Variants in RNLS observed in about 807,000 individuals in gnomAD.
RNLS encodes renalase.
In RNLS, 39 loss-of-function variants were observed where a neutral mutation model predicts 39.8. That is an observed-to-expected ratio of 0.98 (90% CI 0.76 to 1.28). RNLS has a LOEUF of 1.28. Among genes scored for constraint, RNLS ranks in the 50% most tolerant of loss-of-function variants. The pLI is 0.00. For synonymous variants in RNLS, 147 were observed against 150.7 expected (o/e 0.98, Z 0.18); for missense variants, 410 against 413.3 (o/e 0.99, Z 0.07).
the RNLS span, among the ~76,000 whole-genome samples, chr10:88,265,925 T>C: frequency 3.9e-5 from 6 of 152,200 alleles, no homozygotes; most frequent in Non-Finnish European, 7.3e-5. Flanking sequence ...TAGGAATAGT[T>C]CCATGCTTTA....
rs562312079 is a variant in RNLS at position 88,582,751 on chromosome 10, T to C, written c.118+322A>G. On this transcript the variant is annotated intron_variant, in intron 1 of 6. Coordinates refer to ENST00000331772, the MANE Select transcript of RNLS (RefSeq NM_001031709.3). ...AAAATCTATTTATTAGGGACAGCAGTAGGCCCAAGCTTTGCAAACTCGGGT... is the reference window on the plus strand; with the variant it reads ...AAAATCTATTTATTAGGGACAGCAGCAGGCCCAAGCTTTGCAAACTCGGGT... Among the ~76,000 whole-genome samples, 24 of 152,334 alleles carry C rather than the reference T, an allele frequency of 1.6e-4. No homozygotes were observed. The South Asian group carries it at 1.7e-3, about 11-fold the overall frequency.
chr10:88,178,657 T>G, the RNLS span, among the ~76,000 whole-genome samples: 1 of 152,208 alleles, frequency 6.6e-6, no homozygotes, highest in Non-Finnish European at 1.5e-5. Context: ...TTCCAGTGTT[T>G]TTCCTTAGAT....
At position 88,573,040 on chromosome 10, in the gene RNLS, T is replaced by A; in HGVS notation, c.389A>T (p.His130Leu). 8 of 1,613,928 alleles carry A rather than the reference T, an allele frequency of 5.0e-6. No individual in the cohort carries two copies. The highest frequency in any genetic ancestry group is 6.8e-6 in the Non-Finnish European group (8 of 1,179,826). Residue 130 changes from histidine to leucine, a missense_variant, in exon 4 of 7, where the codon CAT (histidine) becomes CTT (leucine). Physicochemically the swap from His to Leu is moderately conservative, Grantham distance 99. Coordinates refer to ENST00000331772, the MANE Select transcript of RNLS (RefSeq NM_001031709.3). ...TCTTAGGTTGATCTGTGTCACACGA[T>A]GTCTGAAGTAGACTTCTGCACCTGT... ...KESGAEVYFR[H>L]RVTQINLRDD...
chr10:88,373,352 A>G (rs533794893), intron 4 of RNLS, among the ~76,000 whole-genome samples: 1 of 152,238 alleles, frequency 6.6e-6, no homozygotes, highest in South Asian at 2.1e-4. Flanking sequence ...CAATATGTTC[A>G]TTTTGTACTT....
the RNLS span, among the ~76,000 whole-genome samples, chr10:88,244,530 T>C: frequency 6.6e-6 from 1 of 152,152 alleles, no homozygotes; most frequent in Non-Finnish European, 1.5e-5. Context: ...TGTGTTTCTT[T>C]AGAGTGGGCA....
the RNLS span, among the ~76,000 whole-genome samples, chr10:88,240,406 C>T: frequency 2.8e-5 from 3 of 108,558 alleles, no homozygotes; most frequent in African/African-American, 7.8e-5. Flanking sequence ...GCAAAAAGTC[C>T]TTTTTTTAAA....
chr10:88,315,489 T>C (rs914184295), intron 5 of RNLS, among the ~76,000 whole-genome samples: 14 of 152,156 alleles, frequency 9.2e-5, no homozygotes, highest in Non-Finnish European at 2.1e-4. Flanking sequence ...GGGAAAACAA[T>C]GATAGATGTG....
intron 4 of RNLS, among the ~76,000 whole-genome samples, chr10:88,381,205 C>CTT (rs1181571224): frequency 7.9e-5 from 12 of 152,108 alleles, no homozygotes; most frequent in African/African-American, 2.7e-4. Flanking sequence ...CTTGCTTTGA[C>CTT]TTAATAAATT....
chr10:88,221,670 G>C, the RNLS span, among the ~76,000 whole-genome samples: 3 of 152,166 alleles, frequency 2.0e-5, no homozygotes, highest in South Asian at 6.2e-4. Flanking sequence ...AGCGATTTTG[G>C]GCACACAATC....
chr10:88,258,545 T>C, the RNLS span, among the ~76,000 whole-genome samples: 1 of 152,186 alleles, frequency 6.6e-6, no homozygotes, highest in Non-Finnish European at 1.5e-5. Context: ...ACAATGCATA[T>C]AAACTGTCTA....
In RNLS at chr10:88,556,875, A is replaced by T. The variant is rs986222867; in HGVS notation, c.526+16028T>A. On this transcript the variant is annotated intron_variant, in intron 4 of 6. Coordinates refer to ENST00000331772, the MANE Select transcript of RNLS (RefSeq NM_001031709.3). ...TTCTCTTCCCTCAGCATGTACCATC[A>T]TTTCACATAGATATTCACTTATTTT... is the stretch of plus-strand genomic sequence containing the variant. Among the ~76,000 whole-genome samples, 12 of 152,220 alleles carry T rather than the reference A, an allele frequency of 7.9e-5. No individual in the cohort carries two copies. In the South Asian group the frequency reaches 2.3e-3, roughly 29 times the overall value.
At chr10:88,556,930 A>G (rs887790873) in intron 4 of RNLS, among the ~76,000 whole-genome samples, 1 of 152,118 alleles carries the variant, frequency 6.6e-6, no homozygotes, top group Non-Finnish European at 1.5e-5. Flanking sequence ...AATACTATAC[A>G]ATATTATGCC....
At chr10:88,294,451 T>C (rs1180389491) in intron 6 of RNLS, among the ~76,000 whole-genome samples, 1 of 152,200 alleles carries the variant, frequency 6.6e-6, no homozygotes, top group Non-Finnish European at 1.5e-5. Context: ...AAACAGGTTT[T>C]TTTTTTAAAT....
chr10:88,363,074 G>T (rs1341789212), intron 4 of RNLS, among the ~76,000 whole-genome samples: 1 of 152,076 alleles, frequency 6.6e-6, no homozygotes, highest in Admixed American at 6.5e-5. Flanking sequence ...ACAAGTTAGG[G>T]TATTTGCTAT....
chr10:88,239,201 C>T, the RNLS span, among the ~76,000 whole-genome samples: 3 of 152,160 alleles, frequency 2.0e-5, no homozygotes, highest in East Asian at 1.9e-4. Context: ...CAGCACATGT[C>T]GAGGCCTGCT....
chr10:88,555,403 G>C (rs979959333), intron 4 of RNLS, among the ~76,000 whole-genome samples: 1 of 152,044 alleles, frequency 6.6e-6, no homozygotes, highest in African/African-American at 2.4e-5. Flanking sequence ...GGTCATGGGG[G>C]CGGATCTCTC....
the RNLS span, among the ~76,000 whole-genome samples, chr10:88,202,118 A>G: frequency 6.6e-6 from 1 of 152,150 alleles, no homozygotes; most frequent in African/African-American, 2.4e-5. Flanking sequence ...CTATGCAGCC[A>G]TAAAAAATGA....
intron 4 of RNLS, among the ~76,000 whole-genome samples, chr10:88,441,006 C>A (rs940208394): frequency 2.6e-5 from 4 of 152,108 alleles, no homozygotes; most frequent in South Asian, 2.1e-4. Context: ...CAAAAAAATC[C>A]TTTTATGGAA....
chr10:88,402,080 G>A (rs1297868297), intron 4 of RNLS, among the ~76,000 whole-genome samples: 1 of 151,994 alleles, frequency 6.6e-6, no homozygotes, highest in Non-Finnish European at 1.5e-5. Context: ...AGCAGGGAAA[G>A]CACATTTCAA....
Sources: allele counts gnomAD v4.1 joint callset (sites outside exome capture counted in the v4.1 genomes callset), GRCh38; gene constraint gnomAD v4.1.1; transcripts MANE v1.5; gene names NCBI Gene and HGNC (gene_info 2026-07-23, HGNC 2026-07-21).